DCAF8L2: variants seen among roughly 807,000 people sequenced by gnomAD.
DCAF8L2 encodes DDB1 and CUL4 associated factor 8 like 2, also known as DDB1- and CUL4-associated factor 8-like protein 2.
For missense variants in DCAF8L2, 430 were observed against 490.7 expected (o/e 0.88, Z 1.17); for synonymous variants, 200 against 190.9 (o/e 1.05, Z -0.39).
intron 4 of DCAF8L2, among the ~76,000 whole-genome samples, chrX:27,723,046 A>G (rs1052203072): frequency 6.3e-5 from 7 of 110,961 alleles, no homozygotes; most frequent in Middle Eastern, 4.8e-3. Flanking sequence ...AGGAAAATAT[A>G]TAGAGAAACA....
At chrX:27,579,959 A>G in the DCAF8L2 span, among the ~76,000 whole-genome samples, 1 of 109,486 alleles carries the variant, frequency 9.1e-6, no homozygotes, top group Non-Finnish European at 1.9e-5. Flanking sequence ...TTATAAATAT[A>G]TTAAATGGGT....
the DCAF8L2 span, among the ~76,000 whole-genome samples, chrX:27,538,574 A>T: frequency 2.7e-5 from 3 of 110,047 alleles, no homozygotes; most frequent in Non-Finnish European, 3.8e-5. Flanking sequence ...TTGTATTTTT[A>T]GTAGAGATGG....
intron 1 of DCAF8L2, among the ~76,000 whole-genome samples, chrX:27,604,780 T>C (rs1000504740): frequency 2.7e-5 from 3 of 111,707 alleles, no homozygotes; most frequent in African/African-American, 9.7e-5. Flanking sequence ...GCATATTACA[T>C]GGCTGGTAAG....
the DCAF8L2 span, among the ~76,000 whole-genome samples, chrX:27,481,382 A>AAATT: frequency 9.0e-6 from 1 of 111,019 alleles, no homozygotes; most frequent in Non-Finnish European, 1.9e-5. Flanking sequence ...TGTCTCAAAA[A>AAATT]AATTAATTAA....
At chrX:27,567,087 G>A in the DCAF8L2 span, among the ~76,000 whole-genome samples, 2 of 111,459 alleles carry the variant, frequency 1.8e-5, no homozygotes, top group Non-Finnish European at 3.8e-5. Flanking sequence ...ACCGTGGTCC[G>A]AGATGATACT....
At chrX:27,709,663 C>G (rs1461131450) in intron 3 of DCAF8L2, among the ~76,000 whole-genome samples, 1 of 111,597 alleles carries the variant, frequency 9.0e-6, no homozygotes, top group Non-Finnish European at 1.9e-5. Context: ...TCTACAAAGT[C>G]TCTTTTGCCA....
At chrX:27,545,469 TG>T in the DCAF8L2 span, among the ~76,000 whole-genome samples, 1 of 112,008 alleles carries the variant, frequency 8.9e-6, no homozygotes, top group Non-Finnish European at 1.9e-5. Flanking sequence ...ATGACAGAAA[TG>T]TTTTTTAGAT....
the DCAF8L2 span, among the ~76,000 whole-genome samples, chrX:27,570,250 G>A: frequency 9.0e-6 from 1 of 110,685 alleles, no homozygotes; most frequent in South Asian, 3.9e-4. Context: ...GGTATCTTTT[G>A]GGCAGGGGCT....
At chrX:27,592,730 G>A (rs186150096) in intron 1 of DCAF8L2, among the ~76,000 whole-genome samples, 142 of 109,626 alleles carry the variant, frequency 1.3e-3, no homozygotes, top group African/African-American at 2.1e-3. Flanking sequence ...AGCCACCACC[G>A]CATCTGGCCA....
chrX:27,624,412 G>A (rs962825468), intron 1 of DCAF8L2, among the ~76,000 whole-genome samples: 4 of 110,038 alleles, frequency 3.6e-5, no homozygotes, highest in Non-Finnish European at 7.6e-5. Flanking sequence ...AAGGATGAAT[G>A]TTTTAAAATG....
intron 3 of DCAF8L2, among the ~76,000 whole-genome samples, chrX:27,694,668 T>A (rs1224366401): frequency 1.8e-5 from 2 of 111,960 alleles, no homozygotes; most frequent in Non-Finnish European, 3.8e-5. Context: ...AGACTTAAGA[T>A]CATATTTTTC....
chrX:27,685,805 A>G (rs1930484364), intron 3 of DCAF8L2, among the ~76,000 whole-genome samples: 1 of 111,867 alleles, frequency 8.9e-6, no homozygotes, highest in African/African-American at 3.3e-5. Context: ...AACCTACAGG[A>G]TGGGAGAAAA....
At chrX:27,717,693 G>A (rs912997421) in intron 4 of DCAF8L2, among the ~76,000 whole-genome samples, 1 of 112,266 alleles carries the variant, frequency 8.9e-6, no homozygotes, top group African/African-American at 3.2e-5. Flanking sequence ...TGTTCATTCT[G>A]ATGATAGTTT....
At chrX:27,588,151 T>A (rs964991724), upstream of DCAF8L2, among the ~76,000 whole-genome samples, 1 of 108,531 alleles carries the variant, frequency 9.2e-6, no homozygotes. Context: ...AATTAGTTTT[T>A]CAACCCTTGC....
the DCAF8L2 span, among the ~76,000 whole-genome samples, chrX:27,472,389 T>G: frequency 8.9e-6 from 1 of 112,038 alleles, no homozygotes. Flanking sequence ...TTCTTTTCTT[T>G]TAAATTTTAC....
the DCAF8L2 span, among the ~76,000 whole-genome samples, chrX:27,505,626 A>G: frequency 9.0e-6 from 1 of 111,436 alleles, no homozygotes; most frequent in African/African-American, 3.3e-5. Flanking sequence ...TCCCTGTGCA[A>G]TCTCTTTTCC....
chrX:27,660,711 T>C (rs772645159), intron 2 of DCAF8L2, among the ~76,000 whole-genome samples: 2 of 111,854 alleles, frequency 1.8e-5, no homozygotes, highest in South Asian at 7.5e-4. Context: ...TGCACAGATG[T>C]AGGGTGGTTC....
chrX:27,643,144 A>G (rs1928806471), intron 2 of DCAF8L2, among the ~76,000 whole-genome samples: 1 of 112,040 alleles, frequency 8.9e-6, no homozygotes, highest in Admixed American at 9.5e-5. Context: ...AATTTTTTGA[A>G]GAATCTCCAC....
At chrX:27,663,802 A>T (rs1399143058) in intron 2 of DCAF8L2, among the ~76,000 whole-genome samples, 3 of 108,063 alleles carry the variant, frequency 2.8e-5, no homozygotes, top group African/African-American at 1.0e-4. Context: ...GATTCAAGCA[A>T]TTCTCTTGTC....
Sources: gnomAD v4.1 joint callset for allele counts (sites outside exome capture counted in the v4.1 genomes callset) on GRCh38, gnomAD v4.1.1 for gene constraint, MANE v1.5 for transcripts, NCBI Gene and HGNC (gene_info 2026-07-23, HGNC 2026-07-21) for gene names.